The following SERPINB7 variants were observed in gnomAD, a reference collection of about 807,000 sequenced individuals.
SERPINB7 encodes serpin family B member 7.
Under a neutral mutation model 37.4 loss-of-function variants are expected in SERPINB7, and 31 were observed. The observed-to-expected ratio is 0.83, with a 90% CI of 0.62 to 1.12. The LOEUF is 1.12. Among genes scored for constraint, SERPINB7 ranks in the 50% most tolerant of loss-of-function variants. The pLI is 0.00. For synonymous variants in SERPINB7, 163 were observed against 166.1 expected, an observed-to-expected ratio of 0.98 and a Z score of 0.14; for missense variants, 521 against 455.3, an observed-to-expected ratio of 1.14 and a Z score of -1.31.
intron 3 of SERPINB7, 34 bp downstream of exon 3, chr18:63,792,477 G>T (rs894505314): frequency 7.0e-7 from 1 of 1,419,432 alleles, no homozygotes; most frequent in Non-Finnish European, 9.9e-7. Context: ...AAAAAGAGAA[G>T]GTGAGCCAGG....
chr18:63,786,142 T>TACAC (rs55971632), intron 2 of SERPINB7, among the ~76,000 whole-genome samples: 2,191 of 45,950 alleles, frequency 0.048, 346 homozygotes, highest in East Asian at 0.22. Flanking sequence ...TATACATATA[T>TACAC]ACACACACAC....
intron 1 of SERPINB7, among the ~76,000 whole-genome samples, chr18:63,754,878 GTCTTTT>G (rs2049111590): frequency 3.3e-5 from 3 of 90,158 alleles, no homozygotes; most frequent in Admixed American, 1.3e-4. Flanking sequence ...TTAAACTGAG[GTCTTTT>G]TTTTTTTTTT....
chr18:63,777,119 C>T (rs1457951535), intron 1 of SERPINB7, among the ~76,000 whole-genome samples: 1 of 152,068 alleles, frequency 6.6e-6, no homozygotes, highest in Non-Finnish European at 1.5e-5. Context: ...AGGGACAGCT[C>T]ACCTGCCTCC....
chr18:63,767,129 T>C (rs1456394895), intron 1 of SERPINB7, among the ~76,000 whole-genome samples: 1 of 152,068 alleles, frequency 6.6e-6, no homozygotes, highest in African/African-American at 2.4e-5. Context: ...ACAGGTCCAG[T>C]TGGGGACTGT....
intron 1 of SERPINB7, among the ~76,000 whole-genome samples, chr18:63,781,301 C>A (rs1239214344): frequency 6.6e-6 from 1 of 152,176 alleles, no homozygotes; most frequent in Non-Finnish European, 1.5e-5. Context: ...GTACATAGAT[C>A]ATCTCACTGA....
rs1555694241 is a variant in SERPINB7, at chr18:63,783,283, A to AAAGAAAGAAAGAAAGAAAGG, written c.168+757_168+758insGAAAGGAAGAAAGAAAGAAA. ...GAAAGAAAGAAAGAAAGAAAGAAAG[A>AAAGAAAGAAAGAAAGAAAGG]AAGAAAGAAAGAAATGCAAATGCTT... On this transcript the variant is annotated intron_variant, in intron 2 of 7. Transcript: ENST00000398019. Among the ~76,000 whole-genome samples the AAAGAAAGAAAGAAAGAAAGG allele has an allele frequency of 1.6e-3, 199 of 122,456 alleles. 10 individuals are homozygous for AAAGAAAGAAAGAAAGAAAGG. Among genetic ancestry groups the AAAGAAAGAAAGAAAGAAAGG allele is most frequent in the African/African-American group, 3.3e-3 (103 of 31,234 alleles). 80.3% of individuals were successfully genotyped at this position (122,456 alleles called of 152,430 possible).
At chr18:63,756,732 A>G (rs1329129138) in intron 1 of SERPINB7, among the ~76,000 whole-genome samples, 2 of 149,432 alleles carry the variant, frequency 1.3e-5, no homozygotes, top group African/African-American at 2.5e-5. Flanking sequence ...AAGGCCTGGC[A>G]CTTTATTTTC....
intron 1 of SERPINB7, among the ~76,000 whole-genome samples, chr18:63,776,099 C>G (rs1260393773): frequency 2.0e-5 from 3 of 152,084 alleles, no homozygotes; most frequent in African/African-American, 4.8e-5. Flanking sequence ...AGGAATAGAT[C>G]AATTATCAGT....
At chr18:63,758,118 A>G (rs1003893172) in intron 1 of SERPINB7, among the ~76,000 whole-genome samples, 1 of 152,188 alleles carries the variant, frequency 6.6e-6, no homozygotes, top group African/African-American at 2.4e-5. Context: ...AAGTACATGC[A>G]TGCATGCACA....
At chr18:63,759,127 C>T (rs2049138425) in intron 1 of SERPINB7, among the ~76,000 whole-genome samples, 2 of 152,042 alleles carry the variant, frequency 1.3e-5, no homozygotes, top group African/African-American at 4.8e-5. Flanking sequence ...CTATTCTATT[C>T]TACTCTTCTG....
upstream of SERPINB7, among the ~76,000 whole-genome samples, chr18:63,773,980 C>G (rs2049226958): frequency 6.6e-6 from 1 of 152,028 alleles, no homozygotes; most frequent in Non-Finnish European, 1.5e-5. Flanking sequence ...CTTGAAAGTA[C>G]TTTATATCCT....
intron 1 of SERPINB7, among the ~76,000 whole-genome samples, chr18:63,768,032 G>C (rs1164637758): frequency 6.6e-6 from 1 of 151,992 alleles, no homozygotes; most frequent in Non-Finnish European, 1.5e-5. Flanking sequence ...TTCCCTTCCT[G>C]ATATTGAGAA....
chr18:63,786,098 A>AGT (rs1372591195), intron 2 of SERPINB7, among the ~76,000 whole-genome samples: 1 of 118,562 alleles, frequency 8.4e-6, no homozygotes, highest in African/African-American at 4.6e-5. Flanking sequence ...ATATAATATA[A>AGT]GTATATATAT....
chr18:63,775,417 C>T (rs1310072956), upstream of SERPINB7: 1 of 152,212 alleles, frequency 6.6e-6, no homozygotes, highest in Non-Finnish European at 1.5e-5. Context: ...CAGGTCTACT[C>T]ATCAATAAGC....
chr18:63,794,012 C>T (rs904070392), intron 4 of SERPINB7, among the ~76,000 whole-genome samples: 4 of 151,650 alleles, frequency 2.6e-5, no homozygotes, highest in Admixed American at 2.6e-4. Context: ...GGCGCAATCT[C>T]GGCTCACTGC....
intron 1 of SERPINB7, among the ~76,000 whole-genome samples, chr18:63,781,165 C>T (rs2049297485): frequency 6.6e-6 from 1 of 152,176 alleles, no homozygotes; most frequent in Admixed American, 6.5e-5. Flanking sequence ...GCATGGCTCT[C>T]CCTCCTTGTG....
chr18:63,783,260 A>C (rs1421027645), intron 2 of SERPINB7, among the ~76,000 whole-genome samples: 3 of 140,218 alleles, frequency 2.1e-5, no homozygotes, highest in South Asian at 4.5e-4. Flanking sequence ...GAAAGAAAGA[A>C]AGAAAGAAAG....
At chr18:63,789,222 C>A (rs1365911689) in intron 2 of SERPINB7, among the ~76,000 whole-genome samples, 1 of 152,082 alleles carries the variant, frequency 6.6e-6, no homozygotes, top group Non-Finnish European at 1.5e-5. Flanking sequence ...AACTCCTGAC[C>A]CCTCATTTTA....
intron 1 of SERPINB7, among the ~76,000 whole-genome samples, chr18:63,776,120 G>A (rs1017567581): frequency 2.6e-5 from 4 of 152,078 alleles, no homozygotes; most frequent in Admixed American, 2.0e-4. Context: ...TATACACAAT[G>A]CGCCATGACC....
Sources: allele counts gnomAD v4.1 joint callset (sites outside exome capture counted in the v4.1 genomes callset), GRCh38; gene constraint gnomAD v4.1.1; transcripts MANE v1.5; gene names NCBI Gene and HGNC (gene_info 2026-07-23, HGNC 2026-07-21).